Variants in ZFHX3 observed in about 807,000 individuals in gnomAD.
ZFHX3 encodes zinc finger homeobox protein 3.
ZFHX3 carries 42 observed loss-of-function variants against 279.1 expected under a neutral mutation model. The observed-to-expected ratio is 0.15, with a 90% CI of 0.12 to 0.19. The LOEUF is 0.19. ZFHX3 is among the 10% of genes least tolerant of loss of function. The pLI, the probability that ZFHX3 is intolerant of heterozygous loss-of-function variation, is 1.00. For synonymous variants in ZFHX3, 2,293 were observed against 1,957.8 expected (o/e 1.17, Z -4.52); for missense variants, 4,981 against 4,754.0 (o/e 1.05, Z -1.40).
At chr16:73,280,079 G>C (rs1416595786) in intron 4 of ZFHX3, among the ~76,000 whole-genome samples, 1 of 152,138 alleles carries the variant, frequency 6.6e-6, no homozygotes, top group East Asian at 1.9e-4. Flanking sequence ...GCAAAAGAAT[G>C]AAATTGGACC....
intron 1 of ZFHX3, among the ~76,000 whole-genome samples, chr16:73,728,620 T>C (rs942411189): frequency 1.3e-5 from 2 of 152,136 alleles, no homozygotes; most frequent in African/African-American, 2.4e-5. Flanking sequence ...CTTCAACATC[T>C]TGGCTTTGCA....
intron 3 of ZFHX3, among the ~76,000 whole-genome samples, chr16:72,925,834 C>A (rs1030758145): frequency 1.3e-5 from 2 of 152,202 alleles, no homozygotes; most frequent in Admixed American, 6.5e-5. Context: ...ATAGCTTTTA[C>A]GTCCTCTTGA....
intron 1 of ZFHX3, among the ~76,000 whole-genome samples, chr16:73,038,614 C>T (rs536910260): frequency 6.6e-6 from 1 of 152,074 alleles, no homozygotes; most frequent in South Asian, 2.1e-4. Flanking sequence ...GTTAATTCCA[C>T]CTGTTTCTTT....
intron 1 of ZFHX3, among the ~76,000 whole-genome samples, chr16:73,875,695 C>T (rs2029924860): frequency 1.3e-5 from 2 of 152,146 alleles, no homozygotes; most frequent in South Asian, 4.2e-4. Flanking sequence ...TTGGTTTCTC[C>T]AAAGTGCTTA....
intron 3 of ZFHX3, among the ~76,000 whole-genome samples, chr16:73,433,984 C>A (rs2017953904): frequency 6.6e-6 from 1 of 152,142 alleles, no homozygotes; most frequent in Non-Finnish European, 1.5e-5. Context: ...CTTGCGTGTC[C>A]CTTCTGGGAG....
chr16:72,790,055 G>C (rs999989069), intron 9 of ZFHX3: 2 of 152,354 alleles, frequency 1.3e-5, no homozygotes, highest in Admixed American at 1.3e-4. Flanking sequence ...ACCACTCCCT[G>C]CAACGCCTTC....
intron 2 of ZFHX3, among the ~76,000 whole-genome samples, chr16:73,596,593 C>G (rs2052053191): frequency 6.6e-6 from 1 of 152,172 alleles, no homozygotes; most frequent in African/African-American, 2.4e-5. Flanking sequence ...TTAGTGCCCT[C>G]TTCACCACCT....
chr16:73,844,261 T>A (rs1488503521), intron 1 of ZFHX3, among the ~76,000 whole-genome samples: 4 of 152,188 alleles, frequency 2.6e-5, no homozygotes, highest in Non-Finnish European at 4.4e-5. Flanking sequence ...TGGGTCCAGG[T>A]CCCAGATATG....
chr16:73,122,275 G>A (rs1366007755), intron 7 of ZFHX3, among the ~76,000 whole-genome samples: 14 of 151,872 alleles, frequency 9.2e-5, no homozygotes, highest in South Asian at 4.2e-4. Context: ...ACGCAATCTC[G>A]GCTCACTGCA....
At chr16:73,487,149 G>A (rs2018989735) in intron 2 of ZFHX3, among the ~76,000 whole-genome samples, 1 of 152,196 alleles carries the variant, frequency 6.6e-6, no homozygotes, top group Non-Finnish European at 1.5e-5. Context: ...TGGAGGAAAT[G>A]GCAAAAGACT....
intron 3 of ZFHX3, among the ~76,000 whole-genome samples, chr16:72,949,408 G>T (rs1329704109): frequency 6.6e-6 from 1 of 152,134 alleles, no homozygotes; most frequent in African/African-American, 2.4e-5. Flanking sequence ...GATTTATGGC[G>T]ATTTGTACCT....
At chr16:73,867,044 G>T (rs569901045) in intron 1 of ZFHX3, among the ~76,000 whole-genome samples, 1 of 152,090 alleles carries the variant, frequency 6.6e-6, no homozygotes, top group South Asian at 2.1e-4. Flanking sequence ...TGGCCCAGAG[G>T]CATCCCATAG....
chr16:73,261,546 G>T (rs964364418), intron 4 of ZFHX3, among the ~76,000 whole-genome samples: 2 of 151,694 alleles, frequency 1.3e-5, no homozygotes, highest in Non-Finnish European at 2.9e-5. Context: ...TTAACCTAAG[G>T]TATTCATTGA....
chr16:72,924,914 C>G (rs1959360294), intron 3 of ZFHX3, among the ~76,000 whole-genome samples: 2 of 152,188 alleles, frequency 1.3e-5, no homozygotes, highest in Non-Finnish European at 2.9e-5. Context: ...TCCTCCTACC[C>G]TTTACAGAAA....
At chr16:73,554,635 T>C (rs1274737749) in intron 2 of ZFHX3, 6 of 152,188 alleles carry the variant, frequency 3.9e-5, no homozygotes, top group African/African-American at 1.4e-4. Flanking sequence ...GTGGCTAATT[T>C]CTGGCTTTCA....
chr16:73,438,822 T>G (rs2018038817), intron 3 of ZFHX3, among the ~76,000 whole-genome samples: 1 of 152,218 alleles, frequency 6.6e-6, no homozygotes, highest in Non-Finnish European at 1.5e-5. Flanking sequence ...TTTTGGAAAC[T>G]TCCTACCTAC....
At chr16:72,998,194 A>T (rs907275385) in intron 1 of ZFHX3, among the ~76,000 whole-genome samples, 7 of 152,282 alleles carry the variant, frequency 4.6e-5, no homozygotes, top group African/African-American at 1.7e-4. Flanking sequence ...TGAGGTCGGG[A>T]GTTTGAGACC....
At chr16:73,513,617 G>T (rs947724420) in intron 2 of ZFHX3, among the ~76,000 whole-genome samples, 5 of 152,138 alleles carry the variant, frequency 3.3e-5, no homozygotes, top group African/African-American at 1.2e-4. Flanking sequence ...GCTCTGAATT[G>T]TGCACTGGGT....
At chr16:72,802,424 C>G (rs937691101) in intron 7 of ZFHX3, among the ~76,000 whole-genome samples, 5 of 152,198 alleles carry the variant, frequency 3.3e-5, no homozygotes, top group Admixed American at 6.5e-5. Context: ...GAAATATAAT[C>G]ATCAACCTCA....
Sources: gnomAD v4.1 joint callset for allele counts (sites outside exome capture counted in the v4.1 genomes callset) on GRCh38, gnomAD v4.1.1 for gene constraint, MANE v1.5 for transcripts, NCBI Gene and HGNC (gene_info 2026-07-23, HGNC 2026-07-21) for gene names.